The following PDE10A variants were observed in gnomAD, a reference collection of about 807,000 sequenced individuals.
The protein encoded by PDE10A is phosphodiesterase 10A.
In PDE10A, 39 loss-of-function variants were observed where a neutral mutation model predicts 97.7. The observed-to-expected ratio is 0.40, with a 90% confidence interval of 0.31 to 0.52. PDE10A has a LOEUF of 0.52. Among genes scored for constraint, PDE10A ranks in the 20% least tolerant of loss-of-function variants. The pLI, the probability that PDE10A is intolerant of heterozygous loss-of-function variation, is 0.56. For synonymous variants in PDE10A, 371 were observed against 376.8 expected (o/e 0.98, Z 0.18); for missense variants, 731 against 1,047.8 (o/e 0.70, Z 4.17).
At chr6:165,569,630 G>T (rs1784953964) in intron 1 of PDE10A, among the ~76,000 whole-genome samples, 1 of 152,040 alleles carries the variant, frequency 6.6e-6, no homozygotes, top group Non-Finnish European at 1.5e-5. Flanking sequence ...TCTCTTTATA[G>T]GAAATGTTCC....
intron 1 of PDE10A, among the ~76,000 whole-genome samples, chr6:165,652,812 A>G (rs1272843399): frequency 1.3e-5 from 2 of 152,222 alleles, no homozygotes; most frequent in African/African-American, 4.8e-5. Context: ...TTCATAAGCA[A>G]CACTTTCACT....
chr6:165,557,361 A>T (rs957575610), intron 1 of PDE10A, among the ~76,000 whole-genome samples: 2 of 152,290 alleles, frequency 1.3e-5, no homozygotes, highest in South Asian at 4.1e-4. Flanking sequence ...TCACAGTTTC[A>T]ACTGGGATTT....
chr6:165,828,928 T>C (rs1298116717), intron 1 of PDE10A, among the ~76,000 whole-genome samples: 1 of 152,230 alleles, frequency 6.6e-6, no homozygotes, highest in Non-Finnish European at 1.5e-5. Context: ...ACGGCAGCGT[T>C]AATGAAATCA....
At chr6:165,516,210 T>C (rs555279013) in intron 2 of PDE10A, among the ~76,000 whole-genome samples, 83 of 152,304 alleles carry the variant, frequency 5.4e-4, no homozygotes, top group African/African-American at 1.9e-3. Context: ...GTCTTCCATC[T>C]ACAATTTTTC....
At chr6:165,659,092 G>A (rs531177671) in intron 1 of PDE10A, among the ~76,000 whole-genome samples, 13 of 152,252 alleles carry the variant, frequency 8.5e-5, no homozygotes, top group Non-Finnish European at 1.5e-4. Flanking sequence ...CGAACCAGCC[G>A]GTCAGTGTGA....
chr6:165,406,067 G>GAAA (rs911339397), intron 13 of PDE10A, among the ~76,000 whole-genome samples: 2 of 150,664 alleles, frequency 1.3e-5, no homozygotes, highest in Admixed American at 6.6e-5. Context: ...ACCAAAAGAA[G>GAAA]AAAAAAAAAG....
chr6:165,891,119 C>T (rs1388875658), intron 1 of PDE10A, among the ~76,000 whole-genome samples: 1 of 152,150 alleles, frequency 6.6e-6, no homozygotes, highest in Non-Finnish European at 1.5e-5. Context: ...TCACCCATTG[C>T]GTTCCTTAAA....
At chr6:165,422,737 A>G (rs1370251738) in intron 10 of PDE10A, among the ~76,000 whole-genome samples, 1 of 152,212 alleles carries the variant, frequency 6.6e-6, no homozygotes, top group South Asian at 2.1e-4. Context: ...GATAAATTCA[A>G]GGACACATGG....
intron 2 of PDE10A, among the ~76,000 whole-genome samples, chr6:165,517,028 C>T (rs1781852512): frequency 6.6e-6 from 1 of 152,028 alleles, no homozygotes; most frequent in Non-Finnish European, 1.5e-5. Flanking sequence ...AAAAAAATCT[C>T]ATTAAACACA....
intron 1 of PDE10A, among the ~76,000 whole-genome samples, chr6:165,586,438 T>G (rs576132027): frequency 2.3e-4 from 35 of 152,324 alleles, no homozygotes; most frequent in African/African-American, 8.4e-4. Flanking sequence ...TGAAACCCAT[T>G]ACTCTTCAAT....
intron 20 of PDE10A, among the ~76,000 whole-genome samples, chr6:165,338,306 C>A (rs74611930): frequency 6.6e-6 from 1 of 152,160 alleles, no homozygotes; most frequent in East Asian, 1.9e-4. Flanking sequence ...TTATCAAAAA[C>A]CACCATCCTG....
At chr6:165,368,171 T>G (rs948640042) in intron 18 of PDE10A, among the ~76,000 whole-genome samples, 1 of 152,094 alleles carries the variant, frequency 6.6e-6, no homozygotes, top group Non-Finnish European at 1.5e-5. Context: ...AATTTTTGTA[T>G]TTTTACTACA....
intron 3 of PDE10A, 45 bp downstream of exon 3, chr6:165,482,270 C>A: frequency 3.9e-6 from 5 of 1,297,934 alleles, no homozygotes; most frequent in South Asian, 1.2e-5. Context: ...AAAACAGATT[C>A]ATTTCCTATA....
At chr6:165,494,150 C>T (rs778569818) in intron 2 of PDE10A, among the ~76,000 whole-genome samples, 2 of 151,644 alleles carry the variant, frequency 1.3e-5, no homozygotes, top group Non-Finnish European at 2.9e-5. Context: ...ATGGCCATAA[C>T]AAAAAAATTA....
intron 1 of PDE10A, among the ~76,000 whole-genome samples, chr6:165,974,779 C>T (rs1288975473): frequency 6.6e-6 from 1 of 152,130 alleles, no homozygotes; most frequent in Non-Finnish European, 1.5e-5. Flanking sequence ...TTGGCAAGTT[C>T]CCTACAGCCA....
chr6:165,766,418 C>T (rs998384325), intron 1 of PDE10A, among the ~76,000 whole-genome samples: 1 of 152,200 alleles, frequency 6.6e-6, no homozygotes, highest in Admixed American at 6.5e-5. Context: ...TATGTCTTAT[C>T]CTCACTGTTA....
At chr6:165,809,350 C>T (rs1459676010) in intron 1 of PDE10A, among the ~76,000 whole-genome samples, 1 of 152,198 alleles carries the variant, frequency 6.6e-6, no homozygotes, top group Non-Finnish European at 1.5e-5. Flanking sequence ...CACTCTCCTT[C>T]AGGGTCAAGT....
intron 1 of PDE10A, among the ~76,000 whole-genome samples, chr6:165,692,726 A>AG (rs1354760096): frequency 6.6e-6 from 1 of 152,252 alleles, no homozygotes; most frequent in Middle Eastern, 3.2e-3. Flanking sequence ...TTTTATGTGT[A>AG]GGGAGAAAAT....
chr6:165,492,319 A>G (rs1365972054), intron 2 of PDE10A, among the ~76,000 whole-genome samples: 1 of 152,174 alleles, frequency 6.6e-6, no homozygotes, highest in African/African-American at 2.4e-5. Flanking sequence ...ACTATTCCAC[A>G]AGATAGAGAA....
Sources: gnomAD v4.1 joint callset for allele counts (sites outside exome capture counted in the v4.1 genomes callset) on GRCh38, gnomAD v4.1.1 for gene constraint, MANE v1.5 for transcripts, NCBI Gene and HGNC (gene_info 2026-07-23, HGNC 2026-07-21) for gene names.